FOCAD: variants seen among roughly 807,000 people sequenced by gnomAD.
The protein encoded by FOCAD is focadhesin.
Under a neutral mutation model 225.6 loss-of-function variants are expected in FOCAD, and 198 were observed. That is an observed-to-expected ratio of 0.88 (90% CI 0.78 to 0.99). The LOEUF (loss-of-function observed/expected upper bound fraction) is 0.99, where lower values mean the gene tolerates loss of function less well. Ranked by LOEUF, FOCAD falls within the 50% of genes least tolerant of loss-of-function variation. The pLI, the probability that FOCAD is intolerant of heterozygous loss-of-function variation, is 0.00. For missense variants in FOCAD, 2,713 were observed against 2,123.6 expected, an observed-to-expected ratio of 1.28 and a Z score of -5.46; for synonymous variants, 897 against 755.0, an observed-to-expected ratio of 1.19 and a Z score of -3.08.
rs968356099 is a variant in FOCAD, at chr9:20,715,322, A to T, written c.-32A>T. On this transcript the variant is annotated splice_region_variant and 5_prime_UTR_variant, in exon 2 of 44. Transcript: ENST00000338382. ...AAATATTCTTTTGTTTTGGTTACAG[A>T]AGCTGCACACATACATGTAAGAGAA... 1.4e-6 allele frequency: 2 copies of T among 1,457,164 alleles called. No individual in the cohort carries two copies. Among genetic ancestry groups the T allele is most frequent in the South Asian group, 3.1e-5 (2 of 64,186 alleles). 90.3% of individuals were successfully genotyped at this position (1,457,164 alleles called of 1,614,324 possible). A position where few individuals can be genotyped will look rare whatever the true frequency, so the allele number is the denominator to read the frequency against.
At position 20,945,645 on chromosome 9, in the gene FOCAD, A is replaced by AT. The variant is rs573747695; in HGVS notation, c.3555+879dup. Among the ~76,000 whole-genome samples the AT allele has an allele frequency of 2.6e-4, 40 of 152,142 alleles. 2 individuals are homozygous for AT. Among genetic ancestry groups the AT allele is most frequent in the Admixed American group, 8.5e-4 (13 of 15,282 alleles). On this transcript the variant is annotated intron_variant, in intron 29 of 43. Transcript: ENST00000338382. ...TGTAGAGTGTGATTTTAAAGTACGT[A>AT]TTTTTTTTAAGCCAAAAGAGTAAAT...
chr9:20,907,156 A>T lies in FOCAD; in HGVS notation c.2632A>T (p.Ile878Phe), dbSNP rs1833048695. 6.2e-7 allele frequency: 1 copy of T among 1,612,760 alleles called. No individual in the cohort carries two copies. Among genetic ancestry groups the T allele is most frequent in the East Asian group, 2.2e-5 (1 of 44,834 alleles). Residue 878 changes from isoleucine (I) to phenylalanine (F), a missense_variant, in exon 22 of 44, where the codon ATC (isoleucine) becomes TTC (phenylalanine). Physicochemically the swap from Ile to Phe is conservative, Grantham distance 21 (BLOSUM62 0). Coordinates refer to ENST00000338382, the MANE Select transcript of FOCAD (RefSeq NM_001375567.1). ...TGGTACATTTTTCCCATAGGTTCAT[A>T]TCCAGCTTTCAGAGTGGCACCGTGC... ...TSLALVHEVH[I>F]QLSEWHRAIF...
intron 1 of FOCAD, among the ~76,000 whole-genome samples, chr9:20,693,558 G>A (rs1823106971): frequency 6.6e-6 from 1 of 152,150 alleles, no homozygotes; most frequent in South Asian, 2.1e-4. Context: ...TACAAGGTAG[G>A]CATCTCATAA....
chr9:20,815,051 T>A (rs1270402694), intron 11 of FOCAD, among the ~76,000 whole-genome samples: 1 of 151,674 alleles, frequency 6.6e-6, no homozygotes, highest in African/African-American at 2.4e-5. Context: ...TTTAGTATTT[T>A]TTGTAAGGCA....
At chr9:20,674,212 A>C (rs529867335) in intron 2 of FOCAD, among the ~76,000 whole-genome samples, 1 of 152,156 alleles carries the variant, frequency 6.6e-6, no homozygotes, top group African/African-American at 2.4e-5. Flanking sequence ...TAGATGTTCT[A>C]AGCTTATTAC....
At chr9:20,844,869 G>A (rs917000109) in intron 15 of FOCAD, among the ~76,000 whole-genome samples, 9 of 151,948 alleles carry the variant, frequency 5.9e-5, no homozygotes, top group Non-Finnish European at 8.8e-5. Flanking sequence ...TTTCTCTTTC[G>A]TGAAATTTTC....
rs182903254 is a variant in FOCAD at position 20,715,127 on chromosome 9, T to G, written c.-32-195T>G. Among the ~76,000 whole-genome samples, 539 of 152,320 alleles carry G rather than the reference T, an allele frequency of 3.5e-3. 2 individuals carry two copies. Among genetic ancestry groups the G allele is most frequent in the South Asian group, 8.3e-3 (40 of 4,830 alleles). The stretch of plus-strand genomic sequence containing the variant: ...CCAAGAGCTGTTGGGCATTTTTAGT[T>G]TATTTATCAATCATGACATTTGAGT... On this transcript the variant is annotated intron_variant, in intron 1 of 43. Transcript: ENST00000338382.
intron 1 of FOCAD, among the ~76,000 whole-genome samples, chr9:20,692,829 G>C (rs536582673): frequency 1.5e-4 from 23 of 152,326 alleles, no homozygotes; most frequent in African/African-American, 5.5e-4. Context: ...GGTCAAGCCA[G>C]ATGAAGGGGA....
At chr9:20,976,386 G>C (rs200857752) in intron 35 of FOCAD, 34 bp from the exon 36 acceptor site, 30 of 1,602,032 alleles carry the variant, frequency 1.9e-5, no homozygotes, top group Admixed American at 5.0e-5. Flanking sequence ...TAGTATGCAG[G>C]TGTTTTACTA....
intron 20 of FOCAD, among the ~76,000 whole-genome samples, chr9:20,883,067 G>A (rs953422873): frequency 2.6e-5 from 4 of 152,082 alleles, no homozygotes; most frequent in Non-Finnish European, 5.9e-5. Context: ...AGAGGAGAGA[G>A]GAAAACTACT....
chr9:20,747,111 G>A (rs1314538546), intron 5 of FOCAD, among the ~76,000 whole-genome samples: 1 of 152,020 alleles, frequency 6.6e-6, no homozygotes, highest in Non-Finnish European at 1.5e-5. Flanking sequence ...CAAATATTCT[G>A]CTCCTCATTA....
upstream of FOCAD, among the ~76,000 whole-genome samples, chr9:20,656,333 G>C (rs1563857585): frequency 6.6e-6 from 1 of 151,808 alleles, no homozygotes; most frequent in Non-Finnish European, 1.5e-5. Flanking sequence ...GGGTATCCTT[G>C]TTGACTTTCT....
At chr9:20,986,719 C>A (rs1587792649) in intron 40 of FOCAD, among the ~76,000 whole-genome samples, 1 of 152,140 alleles carries the variant, frequency 6.6e-6, no homozygotes, top group Non-Finnish European at 1.5e-5. Flanking sequence ...CTCACAGTTA[C>A]AAACAAGTTA....
intron 11 of FOCAD, 44 bp downstream of exon 11, chr9:20,789,652 A>G (rs894415884): frequency 1.9e-6 from 3 of 1,599,408 alleles, no homozygotes; most frequent in Admixed American, 3.4e-5. Context: ...GGAAAGCTTA[A>G]TCATTGGAAA....
At chr9:20,683,682 A>C (rs1234204367), upstream of FOCAD, 1 of 152,338 alleles carries the variant, frequency 6.6e-6, no homozygotes, top group East Asian at 1.9e-4. Context: ...GGACTATCTA[A>C]CAAGTGGATA....
At chr9:20,895,183 T>C (rs780093031) in intron 21 of FOCAD, among the ~76,000 whole-genome samples, 5 of 152,096 alleles carry the variant, frequency 3.3e-5, no homozygotes, top group Non-Finnish European at 7.4e-5. Flanking sequence ...TCTATTTCTC[T>C]CGTCATTTGC....
intron 15 of FOCAD, among the ~76,000 whole-genome samples, chr9:20,856,646 T>C (rs946023649): frequency 1.3e-5 from 2 of 152,050 alleles, no homozygotes; most frequent in African/African-American, 4.8e-5. Flanking sequence ...TTGGAGGTAT[T>C]ACTCAAGAAA....
intron 15 of FOCAD, among the ~76,000 whole-genome samples, chr9:20,848,981 T>C (rs941487150): frequency 3.7e-4 from 57 of 152,094 alleles, no homozygotes; most frequent in African/African-American, 1.3e-3. Flanking sequence ...ACAATTAGGT[T>C]TGAAAAGAAT....
At chr9:20,814,331 CA>C (rs1361551457) in intron 11 of FOCAD, among the ~76,000 whole-genome samples, 1 of 151,472 alleles carries the variant, frequency 6.6e-6, no homozygotes, top group African/African-American at 2.4e-5. Context: ...TTTGATTCAT[CA>C]CTCATTTTCT....
Sources: gnomAD v4.1 joint callset for allele counts (sites outside exome capture counted in the v4.1 genomes callset) on GRCh38, gnomAD v4.1.1 for gene constraint, MANE v1.5 for transcripts, NCBI Gene and HGNC (gene_info 2026-07-23, HGNC 2026-07-21) for gene names.